PPP1R14C: variants seen among roughly 807,000 people sequenced by gnomAD.
PPP1R14C encodes protein phosphatase 1 regulatory subunit 14C.
A neutral mutation model predicts 20.4 loss-of-function variants in PPP1R14C; 16 were observed. The observed-to-expected ratio is 0.78, with a 90% CI of 0.53 to 1.19. The LOEUF (loss-of-function observed/expected upper bound fraction) is 1.19, where lower values mean the gene tolerates loss of function less well. Among genes scored for constraint, PPP1R14C ranks in the 50% most tolerant of loss-of-function variants. PPP1R14C has a pLI of 0.00. For synonymous variants in PPP1R14C, 91 were observed against 91.0 expected (o/e 1.00, Z 0.00); for missense variants, 211 against 220.1 (o/e 0.96, Z 0.26).
chr6:150,208,243 A>T (rs531134810), intron 1 of PPP1R14C, among the ~76,000 whole-genome samples: 3 of 152,116 alleles, frequency 2.0e-5, no homozygotes, highest in Admixed American at 2.0e-4. Context: ...GAGGGTGGAA[A>T]TGGTTTCCTC....
chr6:150,162,330 T>C (rs886555503), intron 1 of PPP1R14C, among the ~76,000 whole-genome samples: 2 of 152,148 alleles, frequency 1.3e-5, no homozygotes, highest in Admixed American at 6.5e-5. Context: ...GCTGGGATTA[T>C]AGGCGTGAGC....
intron 3 of PPP1R14C, among the ~76,000 whole-genome samples, chr6:150,228,822 CAAT>C (rs1049643585): frequency 3.3e-5 from 5 of 151,996 alleles, no homozygotes; most frequent in Admixed American, 2.0e-4. Flanking sequence ...GTGATGATAA[CAAT>C]AATAATAATA....
At chr6:150,206,716 G>A (rs755716412) in intron 1 of PPP1R14C, among the ~76,000 whole-genome samples, 5 of 152,194 alleles carry the variant, frequency 3.3e-5, no homozygotes, top group Admixed American at 3.3e-4. Flanking sequence ...GTGAACCTTC[G>A]TAGGATATAG....
intron 1 of PPP1R14C, chr6:150,194,555 T>C: frequency 1.0e-6 from 1 of 974,518 alleles, no homozygotes; most frequent in Non-Finnish European, 1.2e-6. Flanking sequence ...AGCTCTTTGA[T>C]TATCTACCAG....
intron 1 of PPP1R14C, among the ~76,000 whole-genome samples, chr6:150,164,385 T>A (rs1200334598): frequency 6.6e-6 from 1 of 152,222 alleles, no homozygotes; most frequent in Non-Finnish European, 1.5e-5. Flanking sequence ...ATCTTAATAT[T>A]TTCCAATTTG....
At chr6:150,208,931 T>C (rs1306395239) in intron 1 of PPP1R14C, among the ~76,000 whole-genome samples, 7 of 152,214 alleles carry the variant, frequency 4.6e-5, no homozygotes, top group Non-Finnish European at 8.8e-5. Context: ...GAGATGTAAA[T>C]GTTTTCATAG....
intron 3 of PPP1R14C, among the ~76,000 whole-genome samples, chr6:150,223,028 C>CA (rs1339446829): frequency 6.6e-6 from 1 of 152,092 alleles, no homozygotes; most frequent in African/African-American, 2.4e-5. Context: ...CTCAGACTCC[C>CA]AAAGTGCTGG....
At chr6:150,229,664 G>C (rs570892006) in intron 3 of PPP1R14C, among the ~76,000 whole-genome samples, 4 of 152,264 alleles carry the variant, frequency 2.6e-5, no homozygotes, top group Admixed American at 1.3e-4. Flanking sequence ...CAAACATCGT[G>C]TCAGTGGTTT....
intron 1 of PPP1R14C, among the ~76,000 whole-genome samples, chr6:150,211,743 C>T (rs1323893872): frequency 6.6e-6 from 1 of 152,208 alleles, no homozygotes. Context: ...CTCTGGGTCT[C>T]TATGTTCTTC....
At chr6:150,219,317 C>T (rs1778138442) in intron 3 of PPP1R14C, among the ~76,000 whole-genome samples, 1 of 152,024 alleles carries the variant, frequency 6.6e-6, no homozygotes, top group African/African-American at 2.4e-5. Flanking sequence ...CAACCTCTGC[C>T]CCCCAGGTTC....
chr6:150,153,008 A>G (rs1777268165), intron 1 of PPP1R14C, among the ~76,000 whole-genome samples: 1 of 152,246 alleles, frequency 6.6e-6, no homozygotes, highest in South Asian at 2.1e-4. Context: ...GCTCGCTCTC[A>G]CTGCCATGCA....
chr6:150,233,336 T>C (rs1778315300), intron 3 of PPP1R14C, among the ~76,000 whole-genome samples: 1 of 152,124 alleles, frequency 6.6e-6, no homozygotes, highest in Non-Finnish European at 1.5e-5. Flanking sequence ...TAAATGAAAC[T>C]ACATATAAAC....
intron 3 of PPP1R14C, among the ~76,000 whole-genome samples, chr6:150,243,970 A>G (rs895224490): frequency 6.6e-6 from 1 of 152,206 alleles, no homozygotes; most frequent in Admixed American, 6.5e-5. Context: ...AAGGAAAACT[A>G]ATCTGGAGTG....
At chr6:150,236,613 C>CTGTGTGTGTGTGTGTGTG (rs142109127) in intron 3 of PPP1R14C, among the ~76,000 whole-genome samples, 3,552 of 144,436 alleles carry the variant, frequency 0.025, 65 homozygotes, top group Non-Finnish European at 0.029. Flanking sequence ...GTTGGTGCCA[C>CTGTGTGTGTGTGTGTGTG]TGTGTGTGTG....
In PPP1R14C at chr6:150,185,861, CAT is replaced by C. The variant is rs1777671011; in HGVS notation, c.307-28882_307-28881del. The stretch of plus-strand genomic sequence containing the variant: ...AGGCTGCTGAGGCTCTGTGTAGACA[CAT>C]GTGGCCATGACTAGCAAGGCAGGCA... On this transcript the variant is annotated intron_variant, in intron 1 of 3. Transcript: ENST00000361131. This position sits in a 1 kb window ranked among gnomAD's most constrained non-coding sequence, Gnocchi z 4.1. Among the ~76,000 whole-genome samples the C allele has an allele frequency of 6.6e-6, 1 of 152,162 alleles. No homozygotes were observed. The highest frequency in any genetic ancestry group is 1.5e-5 in the Non-Finnish European group (1 of 68,024).
intron 3 of PPP1R14C, among the ~76,000 whole-genome samples, chr6:150,221,746 A>G (rs1778169900): frequency 6.6e-6 from 1 of 152,084 alleles, no homozygotes; most frequent in South Asian, 2.1e-4. Context: ...AATAATAACC[A>G]TGTCTCTGCA....
chr6:150,237,764 G>A (rs1197738457), intron 3 of PPP1R14C, among the ~76,000 whole-genome samples: 1 of 152,130 alleles, frequency 6.6e-6, no homozygotes, highest in Non-Finnish European at 1.5e-5. Context: ...TTTCTAAGTG[G>A]TGCAGAAGGA....
intron 3 of PPP1R14C, among the ~76,000 whole-genome samples, chr6:150,245,039 C>G (rs1428154337): frequency 6.6e-6 from 1 of 152,094 alleles, no homozygotes; most frequent in Non-Finnish European, 1.5e-5. Context: ...CTCCAGTTTT[C>G]CCACACCTCA....
intron 3 of PPP1R14C, among the ~76,000 whole-genome samples, chr6:150,221,583 T>C (rs1778167673): frequency 6.6e-6 from 1 of 152,324 alleles, no homozygotes; most frequent in African/African-American, 2.4e-5. Flanking sequence ...ACTTTTATTT[T>C]ATAATCCCTC....
Sources: gnomAD v4.1 joint callset for allele counts (sites outside exome capture counted in the v4.1 genomes callset) on GRCh38, gnomAD v4.1.1 for gene constraint, Gnocchi (gnomAD v3.1) non-coding constraint, MANE v1.5 for transcripts, NCBI Gene and HGNC (gene_info 2026-07-23, HGNC 2026-07-21) for gene names.